STXBP6: variants seen among roughly 807,000 people sequenced by gnomAD.
STXBP6 encodes syntaxin binding protein 6.
STXBP6 carries 21 observed loss-of-function variants against 26.9 expected under a neutral mutation model. The ratio of observed to expected loss-of-function variants is 0.78; its 90% CI spans 0.55 to 1.12. STXBP6 has a LOEUF of 1.12. Among genes scored for constraint, STXBP6 ranks in the 50% most tolerant of loss-of-function variants. STXBP6 has a pLI of 0.00. For missense variants in STXBP6, 232 were observed against 257.9 expected, an observed-to-expected ratio of 0.90 and a Z score of 0.69; for synonymous variants, 97 against 92.6, an observed-to-expected ratio of 1.05 and a Z score of -0.27.
intron 1 of STXBP6, among the ~76,000 whole-genome samples, chr14:24,978,733 C>T (rs1471789896): frequency 6.6e-6 from 1 of 152,236 alleles, no homozygotes; most frequent in African/African-American, 2.4e-5. Flanking sequence ...TTCTGATCTT[C>T]TCACTTTGTG....
At chr14:24,846,590 A>T (rs2068970937) in intron 4 of STXBP6, among the ~76,000 whole-genome samples, 1 of 152,234 alleles carries the variant, frequency 6.6e-6, no homozygotes, top group East Asian at 1.9e-4. Flanking sequence ...CAAAATTTGA[A>T]TTCCAGCTGA....
At chr14:25,043,855 T>C (rs572876443) in intron 1 of STXBP6, among the ~76,000 whole-genome samples, 1 of 152,248 alleles carries the variant, frequency 6.6e-6, no homozygotes, top group South Asian at 2.1e-4. Flanking sequence ...CGATGGATAT[T>C]TGGGTTGTTT....
At chr14:24,884,105 T>C (rs2070481204) in intron 2 of STXBP6, among the ~76,000 whole-genome samples, 1 of 152,168 alleles carries the variant, frequency 6.6e-6, no homozygotes. Context: ...GGGGGGCACA[T>C]CTTATTCAGA....
At chr14:24,853,005 A>G (rs1006090982) in intron 4 of STXBP6, among the ~76,000 whole-genome samples, 2 of 152,152 alleles carry the variant, frequency 1.3e-5, no homozygotes, top group African/African-American at 4.8e-5. Context: ...GCATATTTCC[A>G]AAGTCTGCTA....
At position 25,049,900 on chromosome 14, in the gene STXBP6, T is replaced by A. The variant is rs1952495; in HGVS notation, c.-55A>T. On this transcript the variant is annotated 5_prime_UTR_variant, in exon 1 of 6. Transcript: ENST00000323944. This position sits in a 1 kb window ranked among gnomAD's most constrained non-coding sequence, Gnocchi z 5.6. ...TACCGTGCAGCCTGGCTCGCGCCCC[T>A]GCCGTGCCAGTGCGCGGCACGCGTC... 308,572 of 983,126 alleles carry A rather than the reference T, an allele frequency of 0.31. 49,050 individuals carry two copies. The highest frequency in any genetic ancestry group is 0.41 in the African/African-American group (23,372 of 57,172). The allele number at this position is 983,126 out of a possible 1,614,324, so 60.9% of individuals were successfully genotyped here.
intron 2 of STXBP6, among the ~76,000 whole-genome samples, chr14:24,934,037 T>A (rs2072514172): frequency 1.3e-5 from 2 of 151,768 alleles, no homozygotes; most frequent in African/African-American, 4.8e-5. Flanking sequence ...ATACCAAAAT[T>A]GAAGCAATGA....
chr14:25,031,543 A>G (rs2075454872), intron 1 of STXBP6, among the ~76,000 whole-genome samples: 1 of 152,224 alleles, frequency 6.6e-6, no homozygotes, highest in East Asian at 1.9e-4. Context: ...TGTTTCAACT[A>G]AAAAATAAAA....
chr14:24,903,660 C>T lies in STXBP6; in HGVS notation c.155-46503G>A, dbSNP rs993960910. On this transcript the variant is annotated intron_variant, in intron 2 of 5. Transcript: ENST00000323944. ...TTTGCCATTGTCAAAAAATAATCTA[C>T]AAAATAATGCTATATTTTGTTATTT... Among the ~76,000 whole-genome samples, 5 of 152,016 alleles carry T rather than the reference C, an allele frequency of 3.3e-5. No homozygotes were observed. The East Asian group carries it at 5.8e-4, about 18-fold the overall frequency.
In STXBP6 at chr14:24,850,991, T is replaced by A. The variant is rs141445529; in HGVS notation, c.451+4945A>T. Among the ~76,000 whole-genome samples the A allele has an allele frequency of 4.3e-4, 65 of 152,304 alleles. No homozygotes were observed. In the East Asian group the frequency reaches 0.012, roughly 28 times the overall value. ...CAAAGAACCTACTTTGTGGTTCTAA[T>A]ATAGAAATTGCCAGTATCACCAAAG... On this transcript the variant is annotated intron_variant, in intron 4 of 5. Transcript: ENST00000323944.
chr14:24,886,915 A>G (rs987189674), intron 2 of STXBP6, among the ~76,000 whole-genome samples: 3 of 152,188 alleles, frequency 2.0e-5, no homozygotes, highest in East Asian at 1.9e-4. Context: ...ATCCACAGGT[A>G]TTGAGCTATG....
chr14:24,873,280 A>T (rs1015909647), intron 2 of STXBP6, among the ~76,000 whole-genome samples: 4 of 148,002 alleles, frequency 2.7e-5, no homozygotes, highest in Non-Finnish European at 6.0e-5. Flanking sequence ...AACGGTTTTC[A>T]GGTTACATTT....
intron 1 of STXBP6, among the ~76,000 whole-genome samples, chr14:25,009,555 C>T (rs991996715): frequency 2.0e-5 from 3 of 152,166 alleles, no homozygotes; most frequent in African/African-American, 7.2e-5. Flanking sequence ...GAAACAGAAA[C>T]CCAACAAGCC....
Position 24,810,146 on chromosome 14 carries a change from C to A in STXBP6, c.*2563G>T, listed in dbSNP as rs2138634253. ...AGTGGTAATACTGGAAAGTTTCTTTCCTTTTTGAGTTGTCTATACAATAAG... is the reference window on the plus strand; with the variant it reads ...AGTGGTAATACTGGAAAGTTTCTTTACTTTTTGAGTTGTCTATACAATAAG... On this transcript the variant is annotated 3_prime_UTR_variant, in exon 6 of 6. Transcript: ENST00000323944. 1 of 152,324 alleles carries A rather than the reference C, an allele frequency of 6.6e-6. No homozygotes were observed. The highest frequency in any genetic ancestry group is 2.4e-5 in the African/African-American group (1 of 41,568). 9.4% of individuals were successfully genotyped at this position (152,324 alleles called of 1,614,324 possible). A position where few individuals can be genotyped will look rare whatever the true frequency, so the allele number is the denominator to read the frequency against.
At chr14:24,931,777 G>A (rs2072419546) in intron 2 of STXBP6, among the ~76,000 whole-genome samples, 2 of 152,208 alleles carry the variant, frequency 1.3e-5, no homozygotes, top group Non-Finnish European at 2.9e-5. Context: ...GGGAGAAGGA[G>A]CGGCTACTTA....
intron 2 of STXBP6, among the ~76,000 whole-genome samples, chr14:24,948,580 G>A (rs1405521285): frequency 3.3e-5 from 5 of 152,052 alleles, no homozygotes; most frequent in East Asian, 1.9e-4. Context: ...CTCTGACTGT[G>A]AGAACTGTCC....
intron 2 of STXBP6, among the ~76,000 whole-genome samples, chr14:24,924,424 C>G (rs1362778404): frequency 6.6e-6 from 1 of 152,114 alleles, no homozygotes; most frequent in East Asian, 1.9e-4. Flanking sequence ...CACTTCTAAC[C>G]CAGTAATGCA....
chr14:24,925,094 T>G (rs1161768860), intron 2 of STXBP6, among the ~76,000 whole-genome samples: 1 of 152,234 alleles, frequency 6.6e-6, no homozygotes, highest in African/African-American at 2.4e-5. Flanking sequence ...ACTTTCAAAA[T>G]CTGTGACATG....
intron 2 of STXBP6, among the ~76,000 whole-genome samples, chr14:24,963,623 C>G (rs187741849): frequency 6.6e-6 from 1 of 152,080 alleles, no homozygotes; most frequent in Non-Finnish European, 1.5e-5. Flanking sequence ...GAATTGAAAA[C>G]GGTGACAATG....
At chr14:24,916,552 T>C (rs1312853538) in intron 2 of STXBP6, among the ~76,000 whole-genome samples, 2 of 152,130 alleles carry the variant, frequency 1.3e-5, no homozygotes, top group Admixed American at 1.3e-4. Flanking sequence ...CTGGATGGTA[T>C]CTGGAATTGG....
Sources: allele counts gnomAD v4.1 joint callset (sites outside exome capture counted in the v4.1 genomes callset), GRCh38; gene constraint gnomAD v4.1.1; non-coding constraint Gnocchi (gnomAD v3.1); transcripts MANE v1.5; gene names NCBI Gene and HGNC (gene_info 2026-07-23, HGNC 2026-07-21).